HPSE2: variants seen among roughly 807,000 people sequenced by gnomAD.
The protein encoded by HPSE2 is inactive heparanase-2.
In HPSE2, 38 loss-of-function variants were observed where a neutral mutation model predicts 60.5. The ratio of observed to expected loss-of-function variants is 0.63; its 90% confidence interval spans 0.48 to 0.82. The LOEUF (loss-of-function observed/expected upper bound fraction) is 0.82. Among genes scored for constraint, HPSE2 ranks in the 40% least tolerant of loss-of-function variants. HPSE2 has a pLI of 0.00. For synonymous variants in HPSE2, 295 were observed against 293.2 expected, an observed-to-expected ratio of 1.01 and a Z score of -0.06; for missense variants, 713 against 740.4, an observed-to-expected ratio of 0.96 and a Z score of 0.43.
chr10:99,082,811 T>G (rs1356649620), intron 3 of HPSE2, among the ~76,000 whole-genome samples: 1 of 152,184 alleles, frequency 6.6e-6, no homozygotes, highest in Non-Finnish European at 1.5e-5. Flanking sequence ...GAGTTCATAT[T>G]TACCCAGACC....
intron 9 of HPSE2, among the ~76,000 whole-genome samples, chr10:98,547,866 G>A (rs1384443988): frequency 2.0e-5 from 3 of 151,788 alleles, no homozygotes; most frequent in Non-Finnish European, 2.9e-5. Context: ...CTCAAGTGAC[G>A]ATATTGAAAC....
At chr10:98,712,119 C>A (rs1948689225) in intron 5 of HPSE2, among the ~76,000 whole-genome samples, 1 of 152,006 alleles carries the variant, frequency 6.6e-6, no homozygotes. Context: ...GAATATTTCT[C>A]AAGACCATCT....
the HPSE2 span, among the ~76,000 whole-genome samples, chr10:99,286,295 T>A: frequency 1.3e-5 from 2 of 152,232 alleles, no homozygotes; most frequent in Non-Finnish European, 2.9e-5. Flanking sequence ...TTATTCACAA[T>A]AACCTAGAAG....
intron 5 of HPSE2, among the ~76,000 whole-genome samples, chr10:98,710,458 T>C (rs372965681): frequency 1.3e-3 from 202 of 152,296 alleles, no homozygotes; most frequent in Non-Finnish European, 2.4e-3. Context: ...CTTAGTTTGA[T>C]AGGTTTATAG....
At chr10:99,300,109 T>C in the HPSE2 span, among the ~76,000 whole-genome samples, 1 of 151,316 alleles carries the variant, frequency 6.6e-6, no homozygotes, top group Non-Finnish European at 1.5e-5. Context: ...GGGTTACCCA[T>C]GTCAAGGAAA....
intron 3 of HPSE2, among the ~76,000 whole-genome samples, chr10:99,069,172 T>C (rs968873880): frequency 1.3e-5 from 2 of 152,026 alleles, no homozygotes; most frequent in Non-Finnish European, 2.9e-5. Context: ...CCCAGAAGAG[T>C]AGAACTCAGC....
At chr10:98,645,658 A>G (rs1252579578) in intron 6 of HPSE2, among the ~76,000 whole-genome samples, 1 of 152,220 alleles carries the variant, frequency 6.6e-6, no homozygotes, top group Non-Finnish European at 1.5e-5. Context: ...AGAATTCAGT[A>G]TCACTTTTAA....
intron 3 of HPSE2, among the ~76,000 whole-genome samples, chr10:98,750,585 GT>G (rs1258272765): frequency 1.3e-5 from 2 of 152,148 alleles, no homozygotes; most frequent in Non-Finnish European, 2.9e-5. Context: ...GGTAGAAGTG[GT>G]TGGTTTCTGG....
the HPSE2 span, among the ~76,000 whole-genome samples, chr10:99,310,783 C>G: frequency 6.6e-6 from 1 of 152,090 alleles, no homozygotes; most frequent in Non-Finnish European, 1.5e-5. Flanking sequence ...CGAGCCACCA[C>G]GCCCAGCTAA....
chr10:99,283,204 AAAAAAAAAAAAAC>A, the HPSE2 span, among the ~76,000 whole-genome samples: 74,501 of 132,314 alleles, frequency 0.56, 21,964 homozygotes, highest in South Asian at 0.67. Flanking sequence ...AAAAAAAAAA[AAAAAAAAAAAAAC>A]AGAAGGATTT....
chr10:99,181,394 T>A, intron 2 of HPSE2, among the ~76,000 whole-genome samples: 1 of 30,284 alleles, frequency 3.3e-5, no homozygotes, highest in African/African-American at 1.1e-4. Context: ...CGAGACTCCG[T>A]CTCAAAAAAA....
At chr10:99,100,732 C>A (rs1250118726) in intron 3 of HPSE2, among the ~76,000 whole-genome samples, 1 of 152,148 alleles carries the variant, frequency 6.6e-6, no homozygotes, top group Non-Finnish European at 1.5e-5. Context: ...ATGTTAAGGG[C>A]AGCCAGAGAG....
chr10:98,509,627 G>A (rs1040752506), intron 9 of HPSE2, among the ~76,000 whole-genome samples: 2 of 151,752 alleles, frequency 1.3e-5, no homozygotes, highest in East Asian at 2.0e-4. Flanking sequence ...TCAGCCACCC[G>A]AGTAGCTGGG....
chr10:98,788,638 C>A (rs996189682), intron 3 of HPSE2, among the ~76,000 whole-genome samples: 1 of 152,190 alleles, frequency 6.6e-6, no homozygotes, highest in Non-Finnish European at 1.5e-5. Context: ...TGTGGGATAT[C>A]GTCTCGTGGT....
chr10:98,574,126 A>G (rs892233831), intron 9 of HPSE2, among the ~76,000 whole-genome samples: 8 of 148,038 alleles, frequency 5.4e-5, no homozygotes, highest in African/African-American at 2.0e-4. Context: ...GACATTTTGT[A>G]TAAGTGGAAT....
At chr10:98,979,610 T>G (rs879291183) in intron 3 of HPSE2, among the ~76,000 whole-genome samples, 2 of 152,094 alleles carry the variant, frequency 1.3e-5, no homozygotes, top group Non-Finnish European at 2.9e-5. Flanking sequence ...CTAAACAAGG[T>G]TATGTATTGA....
At chr10:98,634,135 G>A (rs1946435004) in intron 7 of HPSE2, among the ~76,000 whole-genome samples, 1 of 152,156 alleles carries the variant, frequency 6.6e-6, no homozygotes, top group Non-Finnish European at 1.5e-5. Flanking sequence ...CAGCAGATAA[G>A]TTTCTTCTGC....
At chr10:98,462,758 T>A (rs762043004) in intron 11 of HPSE2, among the ~76,000 whole-genome samples, 17 of 151,934 alleles carry the variant, frequency 1.1e-4, no homozygotes, top group Admixed American at 2.6e-4. Context: ...GTCCCCACAC[T>A]CTGCACTCCT....
intron 2 of HPSE2, among the ~76,000 whole-genome samples, chr10:99,163,725 GTC>G (rs1846942193): frequency 6.6e-6 from 1 of 151,688 alleles, no homozygotes; most frequent in Non-Finnish European, 1.5e-5. Flanking sequence ...TGTCTCCTTA[GTC>G]TTCTCTGAAC....
Sources: gnomAD v4.1 joint callset for allele counts (sites outside exome capture counted in the v4.1 genomes callset) on GRCh38, gnomAD v4.1.1 for gene constraint, MANE v1.5 for transcripts, NCBI Gene and HGNC (gene_info 2026-07-23, HGNC 2026-07-21) for gene names.